The following SHTN1 variants were observed in gnomAD, a reference collection of about 807,000 sequenced individuals.
The protein encoded by SHTN1 is shootin-1.
SHTN1 carries 42 observed loss-of-function variants against 83.1 expected under a neutral mutation model. That is an observed-to-expected ratio of 0.51 (90% confidence interval 0.39 to 0.65). SHTN1 has a LOEUF of 0.65. Ranked by LOEUF, SHTN1 falls within the 30% of genes least tolerant of loss-of-function variation. The pLI is 0.00. For synonymous variants in SHTN1, 224 were observed against 247.7 expected (o/e 0.90, Z 0.90); for missense variants, 622 against 737.8 (o/e 0.84, Z 1.82).
chr10:117,036,178 C>A (rs1053796762), intron 2 of SHTN1, among the ~76,000 whole-genome samples: 1 of 152,184 alleles, frequency 6.6e-6, no homozygotes, highest in Non-Finnish European at 1.5e-5. Context: ...CCCTCATACA[C>A]TGCTGGGGGA....
chr10:116,967,731 A>G (rs558447803), intron 3 of SHTN1, among the ~76,000 whole-genome samples: 58 of 152,348 alleles, frequency 3.8e-4, no homozygotes, highest in African/African-American at 1.4e-3. Context: ...ATATGAATTA[A>G]CCTCAGGAAC....
intron 1 of SHTN1, among the ~76,000 whole-genome samples, chr10:117,100,716 A>C (rs560735174): frequency 6.6e-6 from 1 of 152,342 alleles, no homozygotes; most frequent in South Asian, 2.1e-4. Context: ...CATTTAGCTA[A>C]GGCATTTCTT....
In SHTN1 at chr10:116,948,988, C is replaced by A; in HGVS notation, c.544G>T (p.Val182Phe). 1 of 1,553,808 alleles carries A rather than the reference C, an allele frequency of 6.4e-7. No individual in the cohort carries two copies. The highest frequency in any genetic ancestry group is 8.7e-7 in the Non-Finnish European group (1 of 1,150,816). Residue 182 changes from valine to phenylalanine, a missense_variant, in exon 7 of 17, where the codon GTT becomes TTT. Physicochemically the swap from Val to Phe is conservative, Grantham distance 50. Around this residue, in one of 3 missense-constraint regions of SHTN1, gnomAD observed 383 missense variants for 455.8 expected, o/e 0.84. Transcript: ENST00000355371. Reference sequence around the variant, plus strand: ...TTTAAAACAGTCTTTTCTTGTTTAACTTTATTTACCTAAAAATGTGAAATT... The same window carrying A: ...TTTAAAACAGTCTTTTCTTGTTTAAATTTATTTACCTAAAAATGTGAAATT... ...LVEVIEEVNK[V>F]KQEKTVLNSE...
intron 1 of SHTN1, among the ~76,000 whole-genome samples, chr10:116,991,116 G>A (rs950508498): frequency 2.0e-5 from 3 of 152,044 alleles, no homozygotes; most frequent in Non-Finnish European, 2.9e-5. Context: ...AACCCGGGAG[G>A]CGGAGCTTGC....
chr10:116,909,776 A>G lies in SHTN1; in HGVS notation c.1359+2014T>C, dbSNP rs372681069. 4.2e-4 allele frequency among the ~76,000 whole-genome samples: 64 copies of G among 152,278 alleles called. No homozygotes were observed. In the South Asian group the frequency reaches 0.013, roughly 31 times the overall value. ...GGCTAACTTAGCAGAAGGCCAAATC[A>G]CTAAGTCTTACAACTTGGGTCACAT... On this transcript the variant is annotated intron_variant, in intron 14 of 16. Transcript: ENST00000355371.
At chr10:116,913,554 C>T (rs986729255) in intron 13 of SHTN1, among the ~76,000 whole-genome samples, 1 of 152,166 alleles carries the variant, frequency 6.6e-6, no homozygotes, top group Non-Finnish European at 1.5e-5. Flanking sequence ...ACGTATGGAA[C>T]ATTGATTGCT....
Position 116,881,625 on chromosome 10 carries a change from C to G in SHTN1, c.*4719G>C, listed in dbSNP as rs1446837937. ...GCCGCTGGTGCCCACCTTCCCCACACAAGGTGTAGAGGAATCAGCCGAAAC... is the reference window on the plus strand; with the variant it reads ...GCCGCTGGTGCCCACCTTCCCCACAGAAGGTGTAGAGGAATCAGCCGAAAC... On this transcript the variant is annotated 3_prime_UTR_variant, in exon 17 of 17. Transcript: ENST00000355371. 6.5e-7 allele frequency: 1 copy of G among 1,550,312 alleles called. No individual in the cohort carries two copies. The highest frequency in any genetic ancestry group is 8.7e-7 in the Non-Finnish European group (1 of 1,146,938).
intron 12 of SHTN1, 97 bp downstream of exon 12, chr10:116,921,337 C>A: frequency 1.2e-6 from 1 of 819,980 alleles, no homozygotes; most frequent in Admixed American, 2.3e-5. Context: ...TACTACTCTC[C>A]CAACAACATG....
At chr10:117,006,791 A>C (rs899442377), upstream of SHTN1, among the ~76,000 whole-genome samples, 3 of 152,040 alleles carry the variant, frequency 2.0e-5, no homozygotes, top group African/African-American at 7.2e-5. Flanking sequence ...GTTTTATGGA[A>C]GTGCCCAGCT....
chr10:117,113,021 G>C (rs1338680501), intron 1 of SHTN1, among the ~76,000 whole-genome samples: 2 of 152,044 alleles, frequency 1.3e-5, no homozygotes, highest in African/African-American at 2.4e-5. Flanking sequence ...TGATTTCTAG[G>C]CAATTGGTCT....
chr10:116,947,813 A>G (rs1403212141), intron 7 of SHTN1, among the ~76,000 whole-genome samples: 1 of 152,248 alleles, frequency 6.6e-6, no homozygotes, highest in East Asian at 1.9e-4. Context: ...TAATCCTTGC[A>G]GAACCCTTTT....
At chr10:116,960,362 AG>A (rs1340237557) in intron 3 of SHTN1, 132 bp from the exon 4 acceptor site, 7 of 553,898 alleles carry the variant, frequency 1.3e-5, no homozygotes, top group Non-Finnish European at 2.2e-5. Context: ...CACTGAAAAA[AG>A]GTTTTTGAGA....
rs561790869 is a variant in SHTN1, at chr10:117,068,251, G to A, written c.-188-19741C>T. On this transcript the variant is annotated intron_variant, in intron 1 of 17. Coordinates refer to the SHTN1 transcript ENST00000392901. ...CTAAAAATACAAAAATTAGCCAGGC[G>A]CAGTGGTGGGCACCTGTAATCCCAG... Among the ~76,000 whole-genome samples the A allele has an allele frequency of 6.6e-5, 10 of 152,166 alleles. No individual in the cohort carries two copies. In the East Asian group the frequency reaches 1.2e-3, roughly 18 times the overall value.
chr10:117,021,099 G>A (rs576611001), intron 2 of SHTN1, among the ~76,000 whole-genome samples: 9 of 152,168 alleles, frequency 5.9e-5, no homozygotes, highest in Non-Finnish European at 1.2e-4. Flanking sequence ...ATGGCCAGGC[G>A]CGGTGGCTCA....
At chr10:117,086,103 A>G (rs1377784972) in intron 1 of SHTN1, among the ~76,000 whole-genome samples, 1 of 152,006 alleles carries the variant, frequency 6.6e-6, no homozygotes, top group East Asian at 1.9e-4. Context: ...TTATTTTAGT[A>G]GAGACGGGGT....
At chr10:116,904,050 A>G (rs1367541248) in intron 15 of SHTN1, among the ~76,000 whole-genome samples, 1 of 152,220 alleles carries the variant, frequency 6.6e-6, no homozygotes, top group Non-Finnish European at 1.5e-5. Flanking sequence ...TCCCTGGGGC[A>G]GATAACCATT....
At chr10:117,026,966 G>A (rs1025310608) in intron 2 of SHTN1, among the ~76,000 whole-genome samples, 2 of 152,228 alleles carry the variant, frequency 1.3e-5, no homozygotes, top group Admixed American at 6.5e-5. Flanking sequence ...ACCCAGCACA[G>A]TCCCAATGAT....
At chr10:117,056,910 A>G (rs2133592732) in intron 1 of SHTN1, among the ~76,000 whole-genome samples, 1 of 152,324 alleles carries the variant, frequency 6.6e-6, no homozygotes, top group African/African-American at 2.4e-5. Flanking sequence ...GCATCTATAA[A>G]AATCCTACAG....
intron 1 of SHTN1, among the ~76,000 whole-genome samples, chr10:116,997,092 TC>T (rs1183040104): frequency 6.6e-6 from 1 of 152,198 alleles, no homozygotes; most frequent in Non-Finnish European, 1.5e-5. Context: ...GTCTATCTTC[TC>T]CCCATTTCCC....
Sources: allele counts gnomAD v4.1 joint callset (sites outside exome capture counted in the v4.1 genomes callset), GRCh38; gene constraint gnomAD v4.1.1; regional missense constraint gnomAD v4.1.1; transcripts MANE v1.5; gene names NCBI Gene and HGNC (gene_info 2026-07-23, HGNC 2026-07-21).